Variants in CHD3 observed in about 807,000 individuals in gnomAD.
CHD3 encodes the protein ATP-dependent chromatin remodeler CHD3.
Under a neutral mutation model 248.9 loss-of-function variants are expected in CHD3, and 52 were observed. The ratio of observed to expected loss-of-function variants is 0.21; its 90% CI spans 0.17 to 0.26. The LOEUF (loss-of-function observed/expected upper bound fraction) is 0.26, where lower values mean the gene tolerates loss of function less well. Among genes scored for constraint, CHD3 ranks in the 10% least tolerant of loss-of-function variants. The pLI is 1.00. For synonymous variants in CHD3, 985 were observed against 985.2 expected (o/e 1.00, Z 0.00); for missense variants, 1,482 against 2,605.8 (o/e 0.57, Z 9.39).
chr17:7,907,424 G>A lies in CHD3; in HGVS notation c.4860G>A (p.Glu1620=), dbSNP rs956908246. The A allele has an allele frequency of 6.2e-7, 1 of 1,611,404 alleles. No individual in the cohort carries two copies. Among genetic ancestry groups the A allele is most frequent in the Non-Finnish European group, 8.5e-7 (1 of 1,178,732 alleles). Residue 1620 remains glutamate, a synonymous_variant, in exon 32 of 40, where the codon GAG becomes GAA. Transcript: ENST00000330494. This position sits in a 1 kb window ranked among gnomAD's most constrained non-coding sequence, Gnocchi z 4.3. ...LEPRKIPLED[E]VPGVPGEMEP... ...CAAGGAAGATTCCTCTAGAGGATGA[G>A]GTGCCAGGGGTGCCTGGAGAGATGG... is the stretch of plus-strand genomic sequence containing the variant.
Position 7,900,870 on chromosome 17 carries a change from C to A in CHD3, c.2997C>A (p.Ile999=). The stretch of plus-strand genomic sequence containing the variant: ...CCTTTAGGAAATACTACAAATACAT[C>A]CTGACTCGAAATTTTGAGGCCTTGA... ...SPMQKKYYKY[I]LTRNFEALNS... The change falls in exon 19 of 40, where the codon ATC becomes ATA. Residue 999 remains isoleucine (I), a synonymous_variant. Transcript: ENST00000330494. The surrounding 1 kb of genome is among the most constrained non-coding windows in gnomAD (Gnocchi z 6.5). 1 of 1,614,132 alleles carries A rather than the reference C, an allele frequency of 6.2e-7. No homozygotes were observed. The highest frequency in any genetic ancestry group is 2.2e-5 in the East Asian group (1 of 44,872).
In CHD3 at chr17:7,911,673, C is replaced by T. The variant is rs1415420482; in HGVS notation, c.*88C>T. ...CTGGGGCCTGCTGCCAGCCCTCCAC[C>T]TTCCCCACCCCTTGGGCCATCACTG... On this transcript the variant is annotated 3_prime_UTR_variant, in exon 40 of 40. Coordinates refer to ENST00000330494, the MANE Select transcript of CHD3 (RefSeq NM_001005273.3). This position sits in a 1 kb window ranked among gnomAD's most constrained non-coding sequence, Gnocchi z 5.4. The T allele has an allele frequency of 1.3e-6, 2 of 1,599,764 alleles. No homozygotes were observed. The highest frequency in any genetic ancestry group is 1.3e-5 in the African/African-American group (1 of 74,576).
rs997104737 is a variant in CHD3 at position 7,908,647 on chromosome 17, A to G, written c.5262-50A>G. ...CCAAAAGGAAGAAGTGTTCAAAGCC[A>G]AGCCCATTCCTGTTAAATTCCTTGA... is the stretch of plus-strand genomic sequence containing the variant. On this transcript the variant is annotated intron_variant, in intron 35 of 39. Transcript: ENST00000330494. The surrounding 1 kb of genome is among the most constrained non-coding windows in gnomAD (Gnocchi z 5.8). The G allele has an allele frequency of 3.1e-6, 5 of 1,610,882 alleles. No individual in the cohort carries two copies. In the African/African-American group the frequency reaches 6.7e-5, roughly 22 times the overall value.
At chr17:7,891,207 A>G in intron 4 of CHD3, 143 bp downstream of exon 4, 1 of 1,014,490 alleles carries the variant, frequency 9.9e-7, no homozygotes, top group South Asian at 1.6e-5. Flanking sequence ...ACGTCATTTC[A>G]GGGAACTCCT....
chr17:7,910,643 A>C lies in CHD3; in HGVS notation c.5754+52A>C. On this transcript the variant is annotated intron_variant, in intron 38 of 39. Transcript: ENST00000330494. This position sits in a 1 kb window ranked among gnomAD's most constrained non-coding sequence, Gnocchi z 4.7. Reference sequence around the variant, plus strand: ...TTTTCCCTGTTTGTGTTCCTCCTGCACACATACAAACACTTCCATCAGAAT... The same window carrying C: ...TTTTCCCTGTTTGTGTTCCTCCTGCCCACATACAAACACTTCCATCAGAAT... 1 of 1,561,728 alleles carries C rather than the reference A, an allele frequency of 6.4e-7. No individual in the cohort carries two copies. The highest frequency in any genetic ancestry group is 1.2e-5 in the South Asian group (1 of 85,926).
At chr17:7,896,702 C>T (rs931993011) in intron 10 of CHD3, among the ~76,000 whole-genome samples, 2 of 146,048 alleles carry the variant, frequency 1.4e-5, no homozygotes, top group Non-Finnish European at 3.0e-5. Context: ...CTTATTGCCC[C>T]GGCTGGAGTG....
In CHD3 at chr17:7,899,060, G is replaced by C; in HGVS notation, c.2201G>C (p.Gly734Ala). The C allele has an allele frequency of 6.2e-7, 1 of 1,614,176 alleles. No individual in the cohort carries two copies. The highest frequency in any genetic ancestry group is 8.5e-7 in the Non-Finnish European group (1 of 1,180,028). Residue 734 changes from glycine (G) to alanine (A), a missense_variant, in exon 14 of 40, where the codon GGC becomes GCC. Physicochemically the swap from Gly to Ala is moderately conservative, Grantham distance 60. Around this residue, in one of 20 missense-constraint regions of CHD3, gnomAD observed 127 missense variants for 188.3 expected, o/e 0.67. Transcript: ENST00000330494. The surrounding 1 kb of genome is among the most constrained non-coding windows in gnomAD (Gnocchi z 6.8). ...CCACGGTTTATCACAGCCACTGGAG[G>C]CACCCTGCACATGTATCAGTTGGAA... ...TQPRFITATG[G>A]TLHMYQLEGL...
chr17:7,890,477 T>G, intron 2 of CHD3, 94 bp from the exon 3 acceptor site: 1 of 843,298 alleles, frequency 1.2e-6, no homozygotes, highest in Non-Finnish European at 1.7e-6. Flanking sequence ...AGGATTGTTG[T>G]GAAGATTAAA....
upstream of CHD3, chr17:7,885,169 C>CGGCCG (rs956616286): frequency 5.4e-5 from 53 of 980,486 alleles, no homozygotes; most frequent in Non-Finnish European, 5.7e-5. Context: ...ACCCACCGCG[C>CGGCCG]GGCCGAGCCG....
In CHD3 at chr17:7,907,770, C is replaced by G; in HGVS notation, c.5026+68C>G. 6.7e-7 allele frequency: 1 copy of G among 1,502,698 alleles called. No individual in the cohort carries two copies. Among genetic ancestry groups the G allele is most frequent in the Non-Finnish European group, 8.9e-7 (1 of 1,125,454 alleles). 93.1% of individuals were successfully genotyped at this position (1,502,698 alleles called of 1,614,324 possible). On this transcript the variant is annotated intron_variant, in intron 33 of 39. Coordinates refer to ENST00000330494, the MANE Select transcript of CHD3 (RefSeq NM_001005273.3). The surrounding 1 kb of genome is among the most constrained non-coding windows in gnomAD (Gnocchi z 4.3). Reference sequence around the variant, plus strand: ...TCAGGGGAGGTGGAGTCTGGGGAACCGAATGCTTGGGTCCTGGGCGGGTAG... The same window carrying G: ...TCAGGGGAGGTGGAGTCTGGGGAACGGAATGCTTGGGTCCTGGGCGGGTAG...
At chr17:7,893,957 A>C in intron 6 of CHD3, 22 bp downstream of exon 6, 2 of 1,416,258 alleles carry the variant, frequency 1.4e-6, no homozygotes, top group Non-Finnish European at 1.9e-6. Context: ...GTCCCTGTCT[A>C]CTAAACACCT....
Position 7,910,408 on chromosome 17 carries a change from C to T in CHD3, c.5591-20C>T, listed in dbSNP as rs1971502665. 2.5e-6 allele frequency: 4 copies of T among 1,614,082 alleles called. No homozygotes were observed. In the East Asian group the frequency reaches 6.7e-5, roughly 27 times the overall value. On this transcript the variant is annotated intron_variant, in intron 37 of 39. Coordinates refer to ENST00000330494, the MANE Select transcript of CHD3 (RefSeq NM_001005273.3). The surrounding 1 kb of genome is among the most constrained non-coding windows in gnomAD (Gnocchi z 4.7). ...CCCTGTCTTTCTCTTGCCCTTCTTT[C>T]TCTGTGGCCCGGGCCCCAGTTCTGA...
At chr17:7,888,751 T>G, upstream of CHD3, 2 of 1,292,186 alleles carry the variant, frequency 1.5e-6, no homozygotes, top group Non-Finnish European at 2.0e-6. Context: ...CGCGCGTGCT[T>G]TTGAGAAGGC....
chr17:7,903,565 G>GC lies in CHD3; in HGVS notation c.3727+67dup. The GC allele has an allele frequency of 1.5e-6, 2 of 1,374,146 alleles. No individual in the cohort carries two copies. Among genetic ancestry groups the GC allele is most frequent in the Non-Finnish European group, 2.0e-6 (2 of 991,550 alleles). 85.1% of individuals were successfully genotyped at this position (1,374,146 alleles called of 1,614,324 possible). ...CCTGCTCTCTCAGGAGTACTTATCA[G>GC]CCCCCTGGGGAGAGAAAAACAACTC... On this transcript the variant is annotated intron_variant, in intron 23 of 39. Transcript: ENST00000330494. This position sits in a 1 kb window ranked among gnomAD's most constrained non-coding sequence, Gnocchi z 6.8.
intron 4 of CHD3, 75 bp from the exon 5 acceptor site, chr17:7,893,211 T>C: frequency 6.8e-7 from 1 of 1,480,288 alleles, no homozygotes. Flanking sequence ...TACATAGATT[T>C]AATTGATGAG....
Position 7,899,222 on chromosome 17 carries a change from T to C in CHD3, c.2343+20T>C, listed in dbSNP as rs1970031854. ...AAGGAGGTGCTGGATTCTAGGACCT[T>C]GAAGGGGACCGCCTGGACTGGGGAA... On this transcript the variant is annotated intron_variant, in intron 14 of 39. Transcript: ENST00000330494. This position sits in a 1 kb window ranked among gnomAD's most constrained non-coding sequence, Gnocchi z 6.8. 1.2e-6 allele frequency: 2 copies of C among 1,608,754 alleles called. No homozygotes were observed. The highest frequency in any genetic ancestry group is 4.5e-5 in the East Asian group (2 of 44,750).
Position 7,889,109 on chromosome 17 carries a change from C to T in CHD3, c.100+9C>T, listed in dbSNP as rs1357512235. 1.2e-6 allele frequency: 2 copies of T among 1,614,086 alleles called. No homozygotes were observed. The highest frequency in any genetic ancestry group is 3.3e-5 in the Admixed American group (2 of 60,006). On this transcript the variant is annotated intron_variant, in intron 1 of 39. Transcript: ENST00000330494. The surrounding 1 kb of genome is among the most constrained non-coding windows in gnomAD (Gnocchi z 4.5). ...GGGTGACAGGATGCCTGGTAATTAT[C>T]CGAGGAAATGTAAATAGAGGCCTCC...
Position 7,908,927 on chromosome 17 carries a change from G to A in CHD3, c.5394+98G>A. 1 of 1,521,972 alleles carries A rather than the reference G, an allele frequency of 6.6e-7. No individual in the cohort carries two copies. Among genetic ancestry groups the A allele is most frequent in the Non-Finnish European group, 9.0e-7 (1 of 1,107,688 alleles). 94.3% of individuals were successfully genotyped at this position (1,521,972 alleles called of 1,614,324 possible). A position where few individuals can be genotyped will look rare whatever the true frequency, so the allele number is the denominator to read the frequency against. Reference sequence around the variant, plus strand: ...CCTAGGGAAGGTTAACACCTTCAGGGCTGAGGTGATACCTGGGGCCAAGAC... The same window carrying A: ...CCTAGGGAAGGTTAACACCTTCAGGACTGAGGTGATACCTGGGGCCAAGAC... On this transcript the variant is annotated intron_variant, in intron 36 of 39. Transcript: ENST00000330494. The surrounding 1 kb of genome is among the most constrained non-coding windows in gnomAD (Gnocchi z 5.8).
At position 7,899,916 on chromosome 17, in the gene CHD3, C is replaced by T. The variant is rs1169475431; in HGVS notation, c.2565C>T (p.Phe855=). 6.2e-7 allele frequency: 1 copy of T among 1,613,244 alleles called. No homozygotes were observed. The highest frequency in any genetic ancestry group is 8.5e-7 in the Non-Finnish European group (1 of 1,179,810). ...FKMKREAQVK[F]HVLLTSYELI... ...GGCAGAGGGAGGCACAGGTGAAGTT[C>T]CATGTTCTCCTGACATCGTATGAGC... Residue 855 remains phenylalanine, a synonymous_variant, in exon 16 of 40, where the codon TTC becomes TTT. Coordinates refer to ENST00000330494, the MANE Select transcript of CHD3 (RefSeq NM_001005273.3). This position sits in a 1 kb window ranked among gnomAD's most constrained non-coding sequence, Gnocchi z 6.8.
Sources: gnomAD v4.1 joint callset for allele counts (sites outside exome capture counted in the v4.1 genomes callset) on GRCh38, gnomAD v4.1.1 for gene constraint, gnomAD v4.1.1 regional missense constraint, Gnocchi (gnomAD v3.1) non-coding constraint, MANE v1.5 for transcripts, NCBI Gene and HGNC (gene_info 2026-07-23, HGNC 2026-07-21) for gene names.